Variants in PFKL observed in about 807,000 individuals in gnomAD.
The protein encoded by PFKL is ATP-dependent 6-phosphofructokinase, liver type.
Under a neutral mutation model 92.1 loss-of-function variants are expected in PFKL, and 74 were observed. That is an observed-to-expected ratio of 0.80 (90% CI 0.67 to 0.97). The LOEUF (loss-of-function observed/expected upper bound fraction) is 0.97, where lower values mean the gene tolerates loss of function less well. Ranked by LOEUF, PFKL falls within the 50% of genes least tolerant of loss-of-function variation. The pLI, the probability that PFKL is intolerant of heterozygous loss-of-function variation, is 0.00. For missense variants in PFKL, 1,028 were observed against 1,116.6 expected (o/e 0.92, Z 1.13); for synonymous variants, 494 against 456.4 (o/e 1.08, Z -1.05).
intron 1 of PFKL, among the ~76,000 whole-genome samples, chr21:44,302,126 T>A (rs1232315933): frequency 6.6e-6 from 1 of 152,156 alleles, no homozygotes; most frequent in East Asian, 1.9e-4. Flanking sequence ...GTGCCTGATA[T>A]GGAGTGGGCA....
intron 7 of PFKL, 85 bp from the exon 8 acceptor site, chr21:44,316,159 C>T (rs1243994720): frequency 7.8e-7 from 1 of 1,282,390 alleles, no homozygotes; most frequent in African/African-American, 1.5e-5. Flanking sequence ...ATGGTGGCCC[C>T]AGGGAGGGCT....
In PFKL at chr21:44,313,795, C is replaced by T. The variant is rs540860222; in HGVS notation, c.638+113C>T. ...GTTAATGCCATGGGTGTGAGAGAGC[C>T]GGGTGGGGGCCGGGAGAGACAGAGA... On this transcript the variant is annotated intron_variant, in intron 6 of 21. Transcript: ENST00000349048. 162 of 1,336,668 alleles carry T rather than the reference C, an allele frequency of 1.2e-4. 1 individual carries two copies. In the East Asian group the frequency reaches 1.5e-3, roughly 13 times the overall value. The allele number at this position is 1,336,668 out of a possible 1,614,324, so 82.8% of individuals were successfully genotyped here.
chr21:44,325,900 C>T (rs924706260), intron 19 of PFKL, 61 bp from the exon 20 acceptor site: 57 of 1,265,866 alleles, frequency 4.5e-5, no homozygotes, highest in Admixed American at 3.0e-4. Context: ...TCTGCACTGG[C>T]GTTGGCCTTG....
At chr21:44,323,428 G>T (rs988271466) in intron 15 of PFKL, among the ~76,000 whole-genome samples, 1 of 152,198 alleles carries the variant, frequency 6.6e-6, no homozygotes, top group African/African-American at 2.4e-5. Flanking sequence ...CGGCATCGCT[G>T]AACGTGGTGT....
intron 11 of PFKL, chr21:44,319,704 C>CG: frequency 1.9e-6 from 1 of 537,254 alleles, no homozygotes. Flanking sequence ...GGTGGCCCCG[C>CG]GGGGGCTGGG....
At position 44,314,000 on chromosome 21, in the gene PFKL, C is replaced by T; in HGVS notation, c.726C>T (p.Phe242=). ...EAPPEDGWEN[F]MCERLGETRS... ...CACCCGAGGACGGCTGGGAGAACTT[C>T]ATGTGTGAGAGGCTGGGTGAGGTGG... Residue 242 remains phenylalanine (F), a synonymous_variant, in exon 7 of 22, where the codon TTC becomes TTT. Coordinates refer to ENST00000349048, the MANE Select transcript of PFKL (RefSeq NM_002626.6). 6.2e-7 allele frequency: 1 copy of T among 1,606,708 alleles called. No individual in the cohort carries two copies. Among genetic ancestry groups the T allele is most frequent in the Non-Finnish European group, 8.5e-7 (1 of 1,177,760 alleles).
chr21:44,307,100 C>A (rs1043547467), intron 2 of PFKL, among the ~76,000 whole-genome samples: 1 of 152,136 alleles, frequency 6.6e-6, no homozygotes, highest in African/African-American at 2.4e-5. Flanking sequence ...TGGTGTCCCC[C>A]AGCCTGGCCC....
In PFKL at chr21:44,300,111, C is replaced by A. The variant is rs766427844; in HGVS notation, c.6C>A (p.Ala2=). 46 of 1,163,360 alleles carry A rather than the reference C, an allele frequency of 4.0e-5. 1 individual carries two copies. In the South Asian group the frequency reaches 7.2e-4, roughly 18 times the overall value. 72.1% of individuals were successfully genotyped at this position (1,163,360 alleles called of 1,614,324 possible). The change falls in exon 1 of 22, where the codon GCC becomes GCA. Residue 2 remains alanine, a synonymous_variant. Coordinates refer to ENST00000349048, the MANE Select transcript of PFKL (RefSeq NM_002626.6). M[A]AVDLEKLRAS... is the part of the protein sequence containing the mutation. Reference sequence around the variant, plus strand: ...CCCGTGTTTCGGCCGCCGCCATGGCCGCGGTGGACCTGGAGAAGCTGCGGG... The same window carrying A: ...CCCGTGTTTCGGCCGCCGCCATGGCAGCGGTGGACCTGGAGAAGCTGCGGG...
In PFKL at chr21:44,306,056, A is replaced by C. The variant is rs1229319319; in HGVS notation, c.86-625A>C. 1.2e-5 allele frequency: 6 copies of C among 512,552 alleles called. No individual in the cohort carries two copies. The African/African-American group carries it at 1.8e-4, about 15-fold the overall frequency. 31.8% of individuals were successfully genotyped at this position (512,552 alleles called of 1,614,324 possible). On this transcript the variant is annotated intron_variant, in intron 1 of 21. Transcript: ENST00000349048. Reference sequence around the variant, plus strand: ...GGAAGGAGCCCAAGCCCCTTCCAGCAGGTGCTTTCCTCAGTGCCCAGAGGT... The same window carrying C: ...GGAAGGAGCCCAAGCCCCTTCCAGCCGGTGCTTTCCTCAGTGCCCAGAGGT...
Position 44,326,172 on chromosome 21 carries a change from CAAT to C in PFKL, c.2104_2106del (p.Asn702del). 6.2e-7 allele frequency: 1 copy of C among 1,612,624 alleles called. No homozygotes were observed. The highest frequency in any genetic ancestry group is 8.5e-7 in the Non-Finnish European group (1 of 1,179,566). On this transcript the variant is annotated inframe_deletion, in exon 21 of 22. Transcript: ENST00000349048. ...CTCTGTTTGCAGGACGGGTGTTCGC[CAAT>C]GCCCCAGACTCGGCCTGCGTGATCG...
intron 13 of PFKL, 31 bp from the exon 14 acceptor site, chr21:44,322,102 T>A (rs2047371644): frequency 6.3e-7 from 1 of 1,590,858 alleles, no homozygotes; most frequent in East Asian, 2.2e-5. Flanking sequence ...AGGCTCAGGC[T>A]GGCCCCTGAA....
Position 44,319,363 on chromosome 21 carries a change from C to T in PFKL, c.1075C>T (p.Gln359Ter), listed in dbSNP as rs548521483. Residue 359 changes from glutamine to a stop codon, truncating the protein, a stop_gained, in exon 11 of 22, where the codon CAG (glutamine) becomes TAG (stop). Transcript: ENST00000349048. LOFTEE classifies it high-confidence loss of function. Reference sequence around the variant, plus strand: ...TCTCTTCCTTAAGACCAAGGAAGTGCAGAAAGCCATGGATGACAAGAGGTT... The same window carrying T: ...TCTCTTCCTTAAGACCAAGGAAGTGTAGAAAGCCATGGATGACAAGAGGTT... The part of the protein sequence containing the change: ...MECVQMTKEV[Q>*]KAMDDKRFDE... 1.9e-6 allele frequency: 3 copies of T among 1,613,624 alleles called. No individual in the cohort carries two copies. The highest frequency in any genetic ancestry group is 2.2e-5 in the East Asian group (1 of 44,876).
rs1568970117 is a variant in PFKL, at chr21:44,323,816, G to T, written c.1548G>T (p.Glu516Asp). 1 of 1,613,148 alleles carries T rather than the reference G, an allele frequency of 6.2e-7. No homozygotes were observed. Among genetic ancestry groups the T allele is most frequent in the South Asian group, 1.1e-5 (1 of 91,070 alleles). ...TGGAGGCTCGCGGGCGCTACGAGGAGCTCTGCATCGTCATGTGTGTCATCC... is the reference window on the plus strand; with the variant it reads ...TGGAGGCTCGCGGGCGCTACGAGGATCTCTGCATCGTCATGTGTGTCATCC... ...QLVEARGRYE[E>D]LCIVMCVIPA... The change falls in exon 16 of 22, where the codon GAG (glutamate) becomes GAT (aspartate). Residue 516 changes from glutamate (E) to aspartate (D), a missense_variant. By Grantham distance (45) the Glu-to-Asp change is conservative. Transcript: ENST00000349048.
chr21:44,325,085 CG>C, intron 18 of PFKL, 67 bp from the exon 19 acceptor site: 1 of 1,263,580 alleles, frequency 7.9e-7, no homozygotes, highest in Non-Finnish European at 1.1e-6. Flanking sequence ...CCTGGCCCAG[CG>C]GGGACTCAGG....
chr21:44,313,743 G>T, intron 6 of PFKL, 61 bp downstream of exon 6: 1 of 1,522,102 alleles, frequency 6.6e-7, no homozygotes, highest in East Asian at 2.3e-5. Context: ...CGCAGTGACA[G>T]GTGTGGCATA....
At chr21:44,307,250 G>A in intron 2 of PFKL, 1 of 984,784 alleles carries the variant, frequency 1.0e-6, no homozygotes, top group Non-Finnish European at 1.2e-6. Flanking sequence ...TGTTCATTGT[G>A]TCCCCGCAGG....
chr21:44,321,793 G>A lies in PFKL; in HGVS notation c.1256G>A (p.Arg419His), dbSNP rs1432179085. The A allele has an allele frequency of 1.9e-6, 3 of 1,601,734 alleles. No homozygotes were observed. The highest frequency in any genetic ancestry group is 1.7e-5 in the Admixed American group (1 of 57,838). ...GCGGCTGGCATGAATGCGGCCGTGC[G>A]CTCGGCGGTGCGGACCGGCATCTCC... ...APAAGMNAAV[R>H]SAVRTGISHG... The change falls in exon 13 of 22, where the codon CGC becomes CAC. Residue 419 changes from arginine to histidine, a missense_variant. Physicochemically the swap from Arg to His is conservative, Grantham distance 29. Coordinates refer to ENST00000349048, the MANE Select transcript of PFKL (RefSeq NM_002626.6).
chr21:44,308,577 T>C (rs1240716472), intron 2 of PFKL, among the ~76,000 whole-genome samples: 1 of 150,928 alleles, frequency 6.6e-6, no homozygotes, highest in African/African-American at 2.4e-5. Flanking sequence ...TTTTTTTTTT[T>C]TTGAGACAGA....
chr21:44,308,617 A>G (rs937349942), intron 2 of PFKL, among the ~76,000 whole-genome samples: 1 of 146,264 alleles, frequency 6.8e-6, no homozygotes, highest in African/African-American at 2.6e-5. Flanking sequence ...GCTGGAGCGC[A>G]GTGGCACAAT....
Sources: gnomAD v4.1 joint callset for allele counts (sites outside exome capture counted in the v4.1 genomes callset) on GRCh38, gnomAD v4.1.1 for gene constraint, MANE v1.5 for transcripts, NCBI Gene and HGNC (gene_info 2026-07-23, HGNC 2026-07-21) for gene names.